Variants in TMEM243 observed in about 807,000 individuals in gnomAD.
TMEM243 encodes MDR1 and mitochondrial taxol resistance associated.
Under a neutral mutation model 15.0 loss-of-function variants are expected in TMEM243, and 20 were observed. That is an observed-to-expected ratio of 1.33 (90% CI 0.94 to 1.93). The LOEUF (loss-of-function observed/expected upper bound fraction) is 1.93, where lower values mean the gene tolerates loss of function less well. TMEM243 is among the 30% of genes most tolerant of loss of function. TMEM243 has a pLI of 0.00. For missense variants in TMEM243, 156 were observed against 142.1 expected (o/e 1.10, Z -0.50); for synonymous variants, 72 against 52.7 (o/e 1.37, Z -1.59).
intron 1 of TMEM243, among the ~76,000 whole-genome samples, chr7:87,204,135 C>T (rs568109176): frequency 2.1e-4 from 32 of 152,180 alleles, no homozygotes; most frequent in Middle Eastern, 3.4e-3. Context: ...AAGGGGAAAC[C>T]CCTTATAAAA....
intron 1 of TMEM243, among the ~76,000 whole-genome samples, chr7:87,208,863 C>T (rs770991581): frequency 1.3e-5 from 2 of 152,248 alleles, no homozygotes; most frequent in Non-Finnish European, 2.9e-5. Flanking sequence ...TGTAAATACT[C>T]TAACGATTGT....
rs1491353620 is a variant in TMEM243 at position 87,209,564 on chromosome 7, G to GAC, written c.78+9861_78+9862insGT. Reference sequence around the variant, plus strand: ...AGTGAGAGACAATGAGAGAGACAATGAGAGAGAGACAGTGAGAGAGACAGT... The same window carrying GAC: ...AGTGAGAGACAATGAGAGAGACAATGACAGAGAGAGACAGTGAGAGAGACAGT... On this transcript the variant is annotated intron_variant, in intron 1 of 3. Coordinates refer to ENST00000257637, the MANE Select transcript of TMEM243 (RefSeq NM_024315.4). Among the ~76,000 whole-genome samples, 663 of 147,930 alleles carry GAC rather than the reference G, an allele frequency of 4.5e-3. 10 individuals are homozygous for GAC. Among genetic ancestry groups the GAC allele is most frequent in the African/African-American group, 0.015 (614 of 39,632 alleles).
At chr7:87,210,160 C>T (rs1802642936) in intron 1 of TMEM243, among the ~76,000 whole-genome samples, 2 of 152,076 alleles carry the variant, frequency 1.3e-5, no homozygotes, top group Admixed American at 6.5e-5. Context: ...CATGAGACAG[C>T]ACTGGGGGAT....
At position 87,196,435 on chromosome 7, in the gene TMEM243, T is replaced by A. The variant is rs2129215195; in HGVS notation, c.*201A>T. On this transcript the variant is annotated 3_prime_UTR_variant, in exon 4 of 4. Transcript: ENST00000257637. ...AGCTTTAAGGGTTGGAATGTTTAGG[T>A]GCAACATCAGCTCCTTAAAGAAAAA... is the stretch of plus-strand genomic sequence containing the variant. 1 of 486,850 alleles carries A rather than the reference T, an allele frequency of 2.1e-6. No homozygotes were observed. The highest frequency in any genetic ancestry group is 3.4e-5 in the South Asian group (1 of 29,290). 30.2% of individuals were successfully genotyped at this position (486,850 alleles called of 1,614,324 possible).
Position 87,199,070 on chromosome 7 carries a change from AG to A in TMEM243, c.79-14del, listed in dbSNP as rs1801596847. On this transcript the variant is annotated splice_polypyrimidine_tract_variant and intron_variant, in intron 1 of 3. Transcript: ENST00000257637. ...TGATGATTCGATCCTGAAAGAGAAA[AG>A]AATTTTTAAGCCATATGACTTGGAT... 1.9e-6 allele frequency: 3 copies of A among 1,602,318 alleles called. No homozygotes were observed. The highest frequency in any genetic ancestry group is 2.7e-5 in the African/African-American group (2 of 74,076).
intron 1 of TMEM243, among the ~76,000 whole-genome samples, chr7:87,217,282 G>A (rs144792889): frequency 7.2e-5 from 11 of 152,246 alleles, no homozygotes; most frequent in East Asian, 3.9e-4. Flanking sequence ...CTATTGTGTC[G>A]TTTCCTGGCA....
intron 3 of TMEM243, among the ~76,000 whole-genome samples, chr7:87,197,082 T>G (rs1426835882): frequency 1.3e-5 from 2 of 152,098 alleles, no homozygotes; most frequent in Non-Finnish European, 2.9e-5. Context: ...ACATTTAGAC[T>G]CATGATTCAT....
intron 1 of TMEM243, among the ~76,000 whole-genome samples, chr7:87,200,649 C>T (rs1801730569): frequency 6.6e-6 from 1 of 152,100 alleles, no homozygotes; most frequent in African/African-American, 2.4e-5. Context: ...ATTAACTATG[C>T]CAAGCACATT....
intron 3 of TMEM243, among the ~76,000 whole-genome samples, chr7:87,197,213 G>C (rs1801361569): frequency 6.6e-6 from 1 of 152,076 alleles, no homozygotes. Context: ...AAGTGGGATG[G>C]GCTAGTTCTT....
chr7:87,218,925 G>T (rs1803293878), intron 1 of TMEM243, among the ~76,000 whole-genome samples: 2 of 152,078 alleles, frequency 1.3e-5, no homozygotes, highest in South Asian at 4.1e-4. Flanking sequence ...TCACTTCCTG[G>T]AATGGAGGCC....
At chr7:87,204,181 G>C (rs1442442128) in intron 1 of TMEM243, among the ~76,000 whole-genome samples, 2 of 152,138 alleles carry the variant, frequency 1.3e-5, no homozygotes, top group African/African-American at 4.8e-5. Context: ...ACTACTACGA[G>C]AACAGTATGG....
chr7:87,211,198 G>A (rs1802718263), intron 1 of TMEM243, among the ~76,000 whole-genome samples: 1 of 152,164 alleles, frequency 6.6e-6, no homozygotes, highest in South Asian at 2.1e-4. Context: ...ATAGCAGCCT[G>A]ACCCTCAGTT....
At chr7:87,205,131 C>G (rs562587327) in intron 1 of TMEM243, among the ~76,000 whole-genome samples, 1 of 152,344 alleles carries the variant, frequency 6.6e-6, no homozygotes, top group Admixed American at 6.5e-5. Context: ...CACAGAGCAC[C>G]AAGTCCCTAA....
chr7:87,213,984 C>T (rs933136664), intron 1 of TMEM243, among the ~76,000 whole-genome samples: 2 of 152,298 alleles, frequency 1.3e-5, no homozygotes, highest in Admixed American at 6.5e-5. Context: ...AATAAAGGAG[C>T]AAGAACTGTC....
intron 1 of TMEM243, among the ~76,000 whole-genome samples, chr7:87,212,723 T>C (rs1370097581): frequency 6.6e-6 from 1 of 152,214 alleles, no homozygotes; most frequent in Non-Finnish European, 1.5e-5. Context: ...GAGCTCAGAA[T>C]GTCCCAAGAA....
intron 1 of TMEM243, among the ~76,000 whole-genome samples, chr7:87,214,720 T>G (rs1323694964): frequency 1.3e-5 from 2 of 152,232 alleles, no homozygotes; most frequent in Non-Finnish European, 2.9e-5. Context: ...AAAACTAAGC[T>G]GTCTGAAATG....
intron 1 of TMEM243, among the ~76,000 whole-genome samples, chr7:87,212,933 G>C (rs1227283162): frequency 6.6e-6 from 1 of 152,184 alleles, no homozygotes; most frequent in Non-Finnish European, 1.5e-5. Context: ...CAAGGAGTAA[G>C]TGCCAGGGCA....
In TMEM243 at chr7:87,210,896, C is replaced by T. The variant is rs570393006; in HGVS notation, c.78+8530G>A. Among the ~76,000 whole-genome samples the T allele has an allele frequency of 2.5e-3, 383 of 152,370 alleles. 1 individual carries two copies. Among genetic ancestry groups the T allele is most frequent in the African/African-American group, 8.8e-3 (366 of 41,578 alleles). On this transcript the variant is annotated intron_variant, in intron 1 of 3. Coordinates refer to ENST00000257637, the MANE Select transcript of TMEM243 (RefSeq NM_024315.4). ...CAAACTCTTGCCTTCTGTGCACCCA[C>T]AGACCCAACAGCACGTGGAAGCCAC... is the stretch of plus-strand genomic sequence containing the variant.
At chr7:87,206,615 G>C (rs1802237126) in intron 1 of TMEM243, among the ~76,000 whole-genome samples, 1 of 152,224 alleles carries the variant, frequency 6.6e-6, no homozygotes, top group African/African-American at 2.4e-5. Context: ...CACATCCCCA[G>C]CAGGAGCAGG....
Sources: gnomAD v4.1 joint callset for allele counts (sites outside exome capture counted in the v4.1 genomes callset) on GRCh38, gnomAD v4.1.1 for gene constraint, MANE v1.5 for transcripts, NCBI Gene and HGNC (gene_info 2026-07-23, HGNC 2026-07-21) for gene names.